MYO5B: variants seen among roughly 807,000 people sequenced by gnomAD.
MYO5B encodes myosin VB, also known as unconventional myosin-Vb.
A neutral mutation model predicts 229.3 loss-of-function variants in MYO5B; 143 were observed. The observed-to-expected ratio is 0.62, with a 90% confidence interval of 0.54 to 0.72. The LOEUF (loss-of-function observed/expected upper bound fraction) is 0.72. Among genes scored for constraint, MYO5B ranks in the 30% least tolerant of loss-of-function variants. The pLI, the probability that MYO5B is intolerant of heterozygous loss-of-function variation, is 0.00. For missense variants in MYO5B, 2,321 were observed against 2,331.0 expected (o/e 1.00, Z 0.09); for synonymous variants, 918 against 885.2 (o/e 1.04, Z -0.66).
chr18:49,979,797 T>A (rs1242500665), intron 9 of MYO5B, among the ~76,000 whole-genome samples: 1 of 152,192 alleles, frequency 6.6e-6, no homozygotes, highest in East Asian at 1.9e-4. Context: ...CCCAACACCA[T>A]TAAATTCCAG....
At chr18:49,904,534 AT>A (rs1365535267) in intron 20 of MYO5B, 137 bp downstream of exon 20, 1 of 1,046,788 alleles carries the variant, frequency 9.6e-7, no homozygotes, top group East Asian at 2.5e-5. Context: ...TTCAGAAAGG[AT>A]TTGGTGAGAG....
chr18:49,951,628 T>A (rs1015271477), intron 14 of MYO5B, among the ~76,000 whole-genome samples: 1 of 152,148 alleles, frequency 6.6e-6, no homozygotes, highest in African/African-American at 2.4e-5. Context: ...CAAATTAAGA[T>A]GCTCAGAAAT....
rs150279165 is a variant in MYO5B, at chr18:49,939,228, C to T, written c.1753-1831G>A. Among the ~76,000 whole-genome samples, 508 of 146,536 alleles carry T rather than the reference C, an allele frequency of 3.5e-3. 2 individuals carry two copies. Among genetic ancestry groups the T allele is most frequent in the African/African-American group, 0.012 (473 of 39,658 alleles). On this transcript the variant is annotated intron_variant, in intron 14 of 39. Transcript: ENST00000285039. Reference sequence around the variant, plus strand: ...TGGCGCAATCTCAACTCACTGCAAGCTCTGCCTCCCAGGTTCAAGCGATTC... The same window carrying T: ...TGGCGCAATCTCAACTCACTGCAAGTTCTGCCTCCCAGGTTCAAGCGATTC...
chr18:50,141,595 T>TA (rs2032418833), intron 1 of MYO5B, among the ~76,000 whole-genome samples: 1 of 152,210 alleles, frequency 6.6e-6, no homozygotes, highest in Non-Finnish European at 1.5e-5. Context: ...ATCTTTCTGA[T>TA]ATGGCCATAC....
intron 20 of MYO5B, 110 bp from the exon 21 acceptor site, chr18:49,902,943 A>G (rs1290697572): frequency 7.9e-6 from 11 of 1,394,004 alleles, no homozygotes; most frequent in Non-Finnish European, 1.1e-5. Flanking sequence ...CCTTGGTTCT[A>G]GGAGTTACAC....
intron 17 of MYO5B, 43 bp from the exon 18 acceptor site, chr18:49,912,216 CT>C: frequency 6.7e-7 from 1 of 1,490,358 alleles, no homozygotes; most frequent in Non-Finnish European, 9.4e-7. Flanking sequence ...CATCCTGCCT[CT>C]TGGCCACACA....
intron 4 of MYO5B, among the ~76,000 whole-genome samples, chr18:50,003,229 G>T (rs1176267513): frequency 6.6e-6 from 1 of 152,198 alleles, no homozygotes; most frequent in Non-Finnish European, 1.5e-5. Flanking sequence ...GATGTGGGTG[G>T]CTAGTAGGCA....
At chr18:50,137,245 C>T (rs576902056) in intron 1 of MYO5B, among the ~76,000 whole-genome samples, 3 of 152,332 alleles carry the variant, frequency 2.0e-5, no homozygotes, top group East Asian at 1.9e-4. Context: ...AGCCTATCTA[C>T]CAAAAGGGAA....
At chr18:50,105,248 T>A (rs865960715) in intron 1 of MYO5B, among the ~76,000 whole-genome samples, 2 of 131,674 alleles carry the variant, frequency 1.5e-5, no homozygotes, top group Admixed American at 1.5e-4. Flanking sequence ...AATAAATAAA[T>A]AAAAAATAGA....
chr18:49,830,218 AAC>A (rs932040675), intron 39 of MYO5B, among the ~76,000 whole-genome samples: 31 of 152,302 alleles, frequency 2.0e-4, no homozygotes, highest in South Asian at 4.1e-4. Context: ...AATAAAAAAA[AAC>A]ACATAAAAAT....
At position 49,877,884 on chromosome 18, in the gene MYO5B, T is replaced by C. The variant is rs1212171741; in HGVS notation, c.3277-2A>G. On this transcript the variant is annotated splice_acceptor_variant, in intron 24 of 39. Transcript: ENST00000285039. LOFTEE classifies it high-confidence loss of function. Reference sequence around the variant, plus strand: ...GTTCCGCCTATGACCTGGAGTTTGCTGTTCAACAAGAAAAACGTGATAGCT... The same window carrying C: ...GTTCCGCCTATGACCTGGAGTTTGCCGTTCAACAAGAAAAACGTGATAGCT... The C allele has an allele frequency of 1.9e-6, 3 of 1,614,018 alleles. No homozygotes were observed. The highest frequency in any genetic ancestry group is 2.7e-5 in the African/African-American group (2 of 74,934).
At chr18:49,987,409 G>T (rs78329877) in intron 7 of MYO5B, among the ~76,000 whole-genome samples, 2 of 152,018 alleles carry the variant, frequency 1.3e-5, no homozygotes, top group African/African-American at 4.8e-5. Context: ...TTCCTGGATC[G>T]CAGCCCTCCT....
chr18:49,956,590 A>G (rs894039276), intron 12 of MYO5B, among the ~76,000 whole-genome samples: 1 of 152,212 alleles, frequency 6.6e-6, no homozygotes, highest in Non-Finnish European at 1.5e-5. Context: ...AAAAAATCTT[A>G]TATTTTGATA....
intron 10 of MYO5B, among the ~76,000 whole-genome samples, chr18:49,964,045 G>C (rs556270084): frequency 6.6e-6 from 1 of 152,238 alleles, no homozygotes; most frequent in South Asian, 2.1e-4. Flanking sequence ...GGACATTTTG[G>C]TTCTTTTCTC....
intron 1 of MYO5B, among the ~76,000 whole-genome samples, chr18:50,139,722 C>T (rs1363853903): frequency 6.6e-6 from 1 of 152,166 alleles, no homozygotes; most frequent in Non-Finnish European, 1.5e-5. Flanking sequence ...TCCCTTCTAT[C>T]CACATGTCCC....
In MYO5B at chr18:49,958,947, C is replaced by T. The variant is rs558672364; in HGVS notation, c.1545+3319G>A. On this transcript the variant is annotated intron_variant, in intron 12 of 39. Transcript: ENST00000285039. ...ATCATTCACATCTGAACCCCTCTCC[C>T]CTGCTTCTCCCCTGTGGGCTGATAC... 2.6e-5 allele frequency among the ~76,000 whole-genome samples: 4 copies of T among 152,300 alleles called. No homozygotes were observed. In the East Asian group the frequency reaches 7.7e-4, roughly 29 times the overall value.
rs114190917 is a variant in MYO5B, at chr18:49,953,649, G to C, written c.1669-306C>G. Reference sequence around the variant, plus strand: ...AATGAATCAATCTGTATTTTAACAAGACCCTAGGTGATTCATACACACACT... The same window carrying C: ...AATGAATCAATCTGTATTTTAACAACACCCTAGGTGATTCATACACACACT... On this transcript the variant is annotated intron_variant, in intron 13 of 39. Transcript: ENST00000285039. 8.6e-3 allele frequency among the ~76,000 whole-genome samples: 1,309 copies of C among 152,208 alleles called. 15 individuals carry two copies. Among genetic ancestry groups the C allele is most frequent in the African/African-American group, 0.03 (1,237 of 41,506 alleles).
At chr18:50,106,120 C>T (rs17716413) in intron 1 of MYO5B, among the ~76,000 whole-genome samples, 1 of 151,984 alleles carries the variant, frequency 6.6e-6, no homozygotes. Flanking sequence ...CCCAAAAATG[C>T]ACCCTGGACA....
intron 1 of MYO5B, among the ~76,000 whole-genome samples, chr18:50,076,474 G>A (rs1262266541): frequency 6.6e-6 from 1 of 152,216 alleles, no homozygotes; most frequent in African/African-American, 2.4e-5. Context: ...AGCCATGGCA[G>A]CCACCTGGTG....
Sources: gnomAD v4.1 joint callset for allele counts (sites outside exome capture counted in the v4.1 genomes callset) on GRCh38, gnomAD v4.1.1 for gene constraint, MANE v1.5 for transcripts, NCBI Gene and HGNC (gene_info 2026-07-23, HGNC 2026-07-21) for gene names.